The following SERINC3 variants were observed in gnomAD, a reference collection of about 807,000 sequenced individuals.
SERINC3 encodes the protein tumor differentially expressed protein 1.
A neutral mutation model predicts 52.1 loss-of-function variants in SERINC3; 22 were observed. The observed-to-expected ratio is 0.42, with a 90% CI of 0.30 to 0.60. SERINC3 has a LOEUF of 0.60. Ranked by LOEUF, SERINC3 falls within the 20% of genes least tolerant of loss-of-function variation. The pLI is 0.16. For synonymous variants in SERINC3, 226 were observed against 212.7 expected, an observed-to-expected ratio of 1.06 and a Z score of -0.54; for missense variants, 564 against 584.6, an observed-to-expected ratio of 0.96 and a Z score of 0.36.
chr20:44,511,409 C>T, intron 3 of SERINC3, 41 bp from the exon 4 acceptor site: 1 of 1,260,064 alleles, frequency 7.9e-7, no homozygotes, highest in Non-Finnish European at 1.1e-6. Flanking sequence ...TGCTAAGTTT[C>T]ACCCTTATAC....
chr20:44,520,623 G>GGATA (rs1472852624), intron 1 of SERINC3, among the ~76,000 whole-genome samples: 2 of 152,120 alleles, frequency 1.3e-5, no homozygotes, highest in Non-Finnish European at 2.9e-5. Context: ...GACGGTGGGG[G>GGATA]GATAGGGGTT....
chr20:44,515,649 G>A (rs889001254), intron 1 of SERINC3, among the ~76,000 whole-genome samples: 7 of 151,604 alleles, frequency 4.6e-5, no homozygotes, highest in Non-Finnish European at 7.4e-5. Context: ...GCCACTATAC[G>A]CTTTTTTATT....
At chr20:44,500,660 G>A (rs969310507) in intron 9 of SERINC3, among the ~76,000 whole-genome samples, 3 of 152,162 alleles carry the variant, frequency 2.0e-5, no homozygotes, top group African/African-American at 7.2e-5. Context: ...CTTCTTGCCA[G>A]CATGAAAGAC....
intron 8 of SERINC3, among the ~76,000 whole-genome samples, chr20:44,501,564 T>C (rs2064280282): frequency 6.6e-6 from 1 of 152,238 alleles, no homozygotes. Context: ...TTTCCGTGAC[T>C]TCACAAGTGC....
Position 44,522,060 on chromosome 20 carries a change from C to A in SERINC3, c.-109G>T. The A allele has an allele frequency of 8.1e-7, 1 of 1,230,800 alleles. No individual in the cohort carries two copies. The highest frequency in any genetic ancestry group is 1.2e-6 in the Non-Finnish European group (1 of 864,834). 76.2% of individuals were successfully genotyped at this position (1,230,800 alleles called of 1,614,324 possible). On this transcript the variant is annotated 5_prime_UTR_variant, in exon 1 of 10. Coordinates refer to ENST00000342374, the MANE Select transcript of SERINC3 (RefSeq NM_006811.4). Reference sequence around the variant, plus strand: ...ACATGACGGTTTCTCAGGCCGGAAACGCAGCCTTCCACAGACGCACGGATG... The same window carrying A: ...ACATGACGGTTTCTCAGGCCGGAAAAGCAGCCTTCCACAGACGCACGGATG...
intron 1 of SERINC3, among the ~76,000 whole-genome samples, chr20:44,519,933 T>C (rs567525588): frequency 6.6e-6 from 1 of 152,306 alleles, no homozygotes; most frequent in East Asian, 1.9e-4. Flanking sequence ...TGTATGCTAA[T>C]GAGATGACTG....
intron 5 of SERINC3, among the ~76,000 whole-genome samples, chr20:44,507,978 T>A (rs2064325271): frequency 6.6e-6 from 1 of 152,240 alleles, no homozygotes; most frequent in Admixed American, 6.5e-5. Flanking sequence ...AGCTAACTTG[T>A]ATTCAAGTCA....
chr20:44,509,014 G>A (rs1166526405), intron 5 of SERINC3, among the ~76,000 whole-genome samples: 2 of 152,184 alleles, frequency 1.3e-5, no homozygotes, highest in East Asian at 3.8e-4. Flanking sequence ...TGTACTGAAA[G>A]CATTTTAAAA....
chr20:44,511,663 T>C (rs1425422979), intron 3 of SERINC3, among the ~76,000 whole-genome samples: 2 of 152,226 alleles, frequency 1.3e-5, no homozygotes, highest in Non-Finnish European at 2.9e-5. Context: ...TCTAGCATTC[T>C]GGGAGTTCTA....
chr20:44,520,010 G>C (rs1287087836), intron 1 of SERINC3, among the ~76,000 whole-genome samples: 1 of 152,104 alleles, frequency 6.6e-6, no homozygotes, highest in East Asian at 1.9e-4. Flanking sequence ...GGACTTTTCA[G>C]TCTCACCCCT....
intron 1 of SERINC3, among the ~76,000 whole-genome samples, chr20:44,514,896 G>A (rs746643528): frequency 5.3e-5 from 8 of 152,198 alleles, no homozygotes; most frequent in Non-Finnish European, 8.8e-5. Flanking sequence ...ATGACCATAT[G>A]ACCCAGAAAG....
chr20:44,513,357 A>G (rs2064360357), intron 2 of SERINC3, among the ~76,000 whole-genome samples: 1 of 152,054 alleles, frequency 6.6e-6, no homozygotes, highest in East Asian at 1.9e-4. Context: ...ATGGTGGTGC[A>G]TGCTTATAAT....
chr20:44,512,016 G>A (rs1173319187), intron 3 of SERINC3, among the ~76,000 whole-genome samples: 2 of 152,294 alleles, frequency 1.3e-5, no homozygotes, highest in Admixed American at 6.5e-5. Flanking sequence ...TTCAGTCTTT[G>A]AGAATTAGAA....
At chr20:44,508,515 T>C (rs904660621) in intron 5 of SERINC3, among the ~76,000 whole-genome samples, 1 of 150,116 alleles carries the variant, frequency 6.7e-6, no homozygotes, top group Non-Finnish European at 1.5e-5. Flanking sequence ...AGAAAAAAAA[T>C]AGATAAAAAT....
intron 2 of SERINC3, among the ~76,000 whole-genome samples, chr20:44,513,288 A>G (rs1333141884): frequency 2.0e-5 from 3 of 152,096 alleles, no homozygotes; most frequent in African/African-American, 7.2e-5. Context: ...GTTCGAGACC[A>G]CCCTGGCCAG....
At chr20:44,516,147 CAA>C (rs924502952) in intron 1 of SERINC3, among the ~76,000 whole-genome samples, 1 of 151,798 alleles carries the variant, frequency 6.6e-6, no homozygotes, top group Non-Finnish European at 1.5e-5. Flanking sequence ...ACTAAAAATA[CAA>C]AAATTAGCCG....
Position 44,501,108 on chromosome 20 carries a change from G to A in SERINC3, c.1248C>T (p.Ser416=). 1 of 1,614,072 alleles carries A rather than the reference G, an allele frequency of 6.2e-7. No homozygotes were observed. Among genetic ancestry groups the A allele is most frequent in the Non-Finnish European group, 8.5e-7 (1 of 1,179,990 alleles). ...SLFHLMLCLA[S]LYIMMTLTSW... ...TGGTCAGGGTCATCATGATGTACAA[G>A]GAAGCCAAGCAGAGCATGAGGTGGA... Residue 416 remains serine, a synonymous_variant, in exon 9 of 10, where the codon TCC becomes TCT. Coordinates refer to ENST00000342374, the MANE Select transcript of SERINC3 (RefSeq NM_006811.4).
In SERINC3 at chr20:44,507,011, A is replaced by T. The variant is rs779119320; in HGVS notation, c.614-15T>A. Reference sequence around the variant, plus strand: ...AGACAGTAAAGCTGGAGAAAGGGAAACCAATATGAATGACCACAACTATAA... The same window carrying T: ...AGACAGTAAAGCTGGAGAAAGGGAATCCAATATGAATGACCACAACTATAA... On this transcript the variant is annotated splice_polypyrimidine_tract_variant and intron_variant, in intron 5 of 9. Coordinates refer to ENST00000342374, the MANE Select transcript of SERINC3 (RefSeq NM_006811.4). 52 of 1,579,998 alleles carry T rather than the reference A, an allele frequency of 3.3e-5. No individual in the cohort carries two copies. The Middle Eastern group carries it at 5.0e-4, about 15-fold the overall frequency.
In SERINC3 at chr20:44,512,820, G is replaced by A. The variant is rs754870158; in HGVS notation, c.376C>T (p.Arg126Ter). Residue 126 changes from arginine to a stop codon, truncating the protein, a stop_gained, in exon 3 of 10, where the codon CGA (arginine) becomes TGA (stop). Transcript: ENST00000342374. LOFTEE classifies it high-confidence loss of function. ...MFKVKTSKDLRAAVHNGFWFF... is the reference protein window; with the variant it reads ...MFKVKTSKDL ...ACATACCCATTGTGTACTGCCGCTC[G>A]GAGATCTTTACTTGTTTTTACTTTG... 4.4e-6 allele frequency: 7 copies of A among 1,574,554 alleles called. No individual in the cohort carries two copies. The highest frequency in any genetic ancestry group is 1.4e-5 in the African/African-American group (1 of 72,048).
Sources: allele counts gnomAD v4.1 joint callset (sites outside exome capture counted in the v4.1 genomes callset), GRCh38; gene constraint gnomAD v4.1.1; transcripts MANE v1.5; gene names NCBI Gene and HGNC (gene_info 2026-07-23, HGNC 2026-07-21).